Variants in ASCC3 observed in about 807,000 individuals in gnomAD.
ASCC3 encodes the protein ASC-1 complex subunit P200.
In ASCC3, 158 loss-of-function variants were observed where a neutral mutation model predicts 256.3. The ratio of observed to expected loss-of-function variants is 0.62; its 90% CI spans 0.54 to 0.70. ASCC3 has a LOEUF of 0.70. Ranked by LOEUF, ASCC3 falls within the 30% of genes least tolerant of loss-of-function variation. The probability of loss-of-function intolerance (pLI) is 0.00; values close to 1 mark genes in which losing one functional copy is unlikely to be tolerated. For missense variants in ASCC3, 2,259 were observed against 2,626.0 expected (o/e 0.86, Z 3.05); for synonymous variants, 948 against 883.4 (o/e 1.07, Z -1.30).
chr6:100,540,127 G>A (rs773237583), intron 37 of ASCC3, 36 bp downstream of exon 37: 1 of 1,561,840 alleles, frequency 6.4e-7, no homozygotes, highest in Admixed American at 1.7e-5. Context: ...AATGATGGGA[G>A]AAAACACACA....
In ASCC3 at chr6:100,696,350, A is replaced by G. The variant is rs12665824; in HGVS notation, c.2152-16598T>C. Among the ~76,000 whole-genome samples, 1,951 of 152,264 alleles carry G rather than the reference A, an allele frequency of 0.013. 99 individuals are homozygous for G. The East Asian group carries it at 0.15, about 11-fold the overall frequency. ...ATCTCCTTTTTTTCACATTGAGAAAATACATGGATAATTGTATCAGATTTC... is the reference window on the plus strand; with the variant it reads ...ATCTCCTTTTTTTCACATTGAGAAAGTACATGGATAATTGTATCAGATTTC... On this transcript the variant is annotated intron_variant, in intron 13 of 41. Transcript: ENST00000369162.
intron 13 of ASCC3, among the ~76,000 whole-genome samples, chr6:100,699,398 C>T (rs1778242185): frequency 6.6e-6 from 1 of 152,160 alleles, no homozygotes; most frequent in East Asian, 1.9e-4. Flanking sequence ...TTCTCCTTGC[C>T]TTCTGCCATG....
chr6:100,762,848 A>G (rs1469365240), intron 10 of ASCC3, among the ~76,000 whole-genome samples: 1 of 152,186 alleles, frequency 6.6e-6, no homozygotes, highest in Non-Finnish European at 1.5e-5. Flanking sequence ...GAGTAATATG[A>G]TCAGAATGGC....
rs547302605 is a variant in ASCC3 at position 100,775,940 on chromosome 6, G to A, written c.1396-8595C>T. 3.8e-3 allele frequency among the ~76,000 whole-genome samples: 583 copies of A among 151,918 alleles called. 5 individuals are homozygous for A. The highest frequency in any genetic ancestry group is 0.013 in the African/African-American group (531 of 41,450). On this transcript the variant is annotated intron_variant, in intron 8 of 41. Transcript: ENST00000369162. ...ACATGAAATAATTAACATCCATTAT[G>A]CATAGATTTCTTATATTTGAATAAT...
At chr6:100,559,221 A>G (rs1488959028) in intron 36 of ASCC3, among the ~76,000 whole-genome samples, 2 of 152,194 alleles carry the variant, frequency 1.3e-5, no homozygotes. Flanking sequence ...TGCAATCAGA[A>G]TGACTTTAGG....
intron 8 of ASCC3, among the ~76,000 whole-genome samples, chr6:100,795,692 A>C (rs1769576485): frequency 6.6e-6 from 1 of 152,194 alleles, no homozygotes; most frequent in Admixed American, 6.6e-5. Context: ...ATTCTCCTTA[A>C]GTTTTTAATC....
chr6:100,653,039 G>GA, intron 17 of ASCC3, 150 bp from the exon 18 acceptor site: 1 of 737,056 alleles, frequency 1.4e-6, no homozygotes, highest in Non-Finnish European at 2.2e-6. Context: ...CTACATTTAG[G>GA]AAATAATTGA....
At chr6:100,700,358 T>C (rs6903665) in intron 13 of ASCC3, among the ~76,000 whole-genome samples, 64,931 of 151,956 alleles carry the variant, frequency 0.43, 14,353 homozygotes, top group Middle Eastern at 0.55. Context: ...TATGAAAATG[T>C]CTGGATACCC....
intron 11 of ASCC3, among the ~76,000 whole-genome samples, chr6:100,722,083 A>C (rs961268204): frequency 2.0e-5 from 3 of 151,904 alleles, no homozygotes; most frequent in African/African-American, 7.2e-5. Flanking sequence ...TATTTATTGA[A>C]GAGGGAGTCC....
chr6:100,745,369 T>C (rs1780613942), intron 10 of ASCC3, among the ~76,000 whole-genome samples: 1 of 150,712 alleles, frequency 6.6e-6, no homozygotes, highest in Non-Finnish European at 1.5e-5. Context: ...GCTCCTGTAA[T>C]TCCAGCTACT....
intron 13 of ASCC3, among the ~76,000 whole-genome samples, chr6:100,689,214 C>T (rs867567386): frequency 1.3e-5 from 2 of 152,158 alleles, no homozygotes; most frequent in African/African-American, 2.4e-5. Context: ...CATAAGCTTA[C>T]ATAGCTCACC....
intron 13 of ASCC3, among the ~76,000 whole-genome samples, chr6:100,697,001 A>G (rs1778116186): frequency 6.6e-6 from 1 of 152,116 alleles, no homozygotes; most frequent in Non-Finnish European, 1.5e-5. Flanking sequence ...CTAAACCAGA[A>G]ATATTTGATT....
At chr6:100,748,431 A>C (rs568876990) in intron 10 of ASCC3, among the ~76,000 whole-genome samples, 2 of 152,130 alleles carry the variant, frequency 1.3e-5, no homozygotes, top group Non-Finnish European at 2.9e-5. Context: ...AAATAATAAC[A>C]GTAAAACAAG....
chr6:100,665,153 A>G (rs1776403414), intron 14 of ASCC3, among the ~76,000 whole-genome samples: 1 of 152,138 alleles, frequency 6.6e-6, no homozygotes, highest in Non-Finnish European at 1.5e-5. Flanking sequence ...CTCCCACTTG[A>G]TCACATGGGT....
chr6:100,637,737 C>T (rs1343113254), intron 25 of ASCC3, among the ~76,000 whole-genome samples: 2 of 152,028 alleles, frequency 1.3e-5, no homozygotes, highest in South Asian at 2.1e-4. Flanking sequence ...GGTTCAAGAC[C>T]TCAATAGGGA....
chr6:100,542,194 A>T (rs566923954), intron 36 of ASCC3, among the ~76,000 whole-genome samples: 1 of 152,316 alleles, frequency 6.6e-6, no homozygotes, highest in South Asian at 2.1e-4. Context: ...CAACCAAAGA[A>T]AAATGAAGAG....
chr6:100,630,542 T>C (rs1774487746), intron 26 of ASCC3, among the ~76,000 whole-genome samples: 1 of 150,944 alleles, frequency 6.6e-6, no homozygotes. Flanking sequence ...ATTCATATAG[T>C]TTTTTTTACA....
intron 11 of ASCC3, among the ~76,000 whole-genome samples, chr6:100,722,269 ATG>A (rs1218078192): frequency 6.6e-6 from 1 of 151,710 alleles, no homozygotes; most frequent in Non-Finnish European, 1.5e-5. Context: ...GGGTAGTGTG[ATG>A]TCTCTTTTAT....
intron 13 of ASCC3, among the ~76,000 whole-genome samples, chr6:100,703,672 TTTC>T (rs1302069548): frequency 6.6e-6 from 1 of 151,964 alleles, no homozygotes; most frequent in African/African-American, 2.4e-5. Flanking sequence ...ATGGTGATAT[TTTC>T]TTCTGGCCTT....
Sources: allele counts gnomAD v4.1 joint callset (sites outside exome capture counted in the v4.1 genomes callset), GRCh38; gene constraint gnomAD v4.1.1; transcripts MANE v1.5; gene names NCBI Gene and HGNC (gene_info 2026-07-23, HGNC 2026-07-21).